Variants in SHISA9 observed in about 807,000 individuals in gnomAD.
SHISA9 encodes shisa family member 9.
A neutral mutation model predicts 38.0 loss-of-function variants in SHISA9; 13 were observed. The observed-to-expected ratio is 0.34, with a 90% CI of 0.22 to 0.54. The LOEUF (loss-of-function observed/expected upper bound fraction) is 0.54, where lower values mean the gene tolerates loss of function less well. Ranked by LOEUF, SHISA9 falls within the 20% of genes least tolerant of loss-of-function variation. The probability of loss-of-function intolerance (pLI) is 0.91; values close to 1 mark genes in which losing one functional copy is unlikely to be tolerated. For synonymous variants in SHISA9, 275 were observed against 242.0 expected (o/e 1.14, Z -1.27); for missense variants, 538 against 575.8 (o/e 0.93, Z 0.67).
downstream of SHISA9, among the ~76,000 whole-genome samples, chr16:13,243,103 G>A (rs2051446789): frequency 6.6e-6 from 1 of 152,038 alleles, no homozygotes; most frequent in Non-Finnish European, 1.5e-5. Context: ...GCCTGGTGTG[G>A]TGGCATGCTC....
At chr16:13,267,749 T>G in the SHISA9 span, among the ~76,000 whole-genome samples, 1 of 152,212 alleles carries the variant, frequency 6.6e-6, no homozygotes, top group Admixed American at 6.5e-5. Flanking sequence ...CCATCTTCTC[T>G]GTGTCCCAGG....
At chr16:13,204,559 A>T in intron 3 of SHISA9, among the ~76,000 whole-genome samples, 1 of 152,180 alleles carries the variant, frequency 6.6e-6, no homozygotes, top group East Asian at 1.9e-4. Context: ...TTCACCTACA[A>T]AGTCCATCCC....
At chr16:13,123,021 T>C (rs2050227083) in intron 2 of SHISA9, among the ~76,000 whole-genome samples, 1 of 152,132 alleles carries the variant, frequency 6.6e-6, no homozygotes, top group South Asian at 2.1e-4. Flanking sequence ...AACCCCAGCC[T>C]GGGCGACAGA....
At chr16:13,168,643 A>G (rs2050658955) in intron 2 of SHISA9, among the ~76,000 whole-genome samples, 1 of 152,252 alleles carries the variant, frequency 6.6e-6, no homozygotes. Flanking sequence ...GCCAGAAAGC[A>G]GTGAGAGCTT....
chr16:13,356,423 G>C, the SHISA9 span, among the ~76,000 whole-genome samples: 2 of 152,144 alleles, frequency 1.3e-5, no homozygotes, highest in African/African-American at 4.8e-5. Context: ...TAAAGAAAAA[G>C]GAGCATTAAC....
At chr16:13,066,678 G>T (rs1484617340) in intron 2 of SHISA9, among the ~76,000 whole-genome samples, 1 of 152,240 alleles carries the variant, frequency 6.6e-6, no homozygotes, top group Non-Finnish European at 1.5e-5. Flanking sequence ...AATTAAACGT[G>T]TAATGAATGT....
chr16:13,196,845 G>A (rs1473057925), intron 2 of SHISA9, among the ~76,000 whole-genome samples: 2 of 152,290 alleles, frequency 1.3e-5, no homozygotes, highest in East Asian at 3.9e-4. Context: ...TGTAATCCCA[G>A]CACTTTGGGA....
At chr16:12,932,797 A>T (rs1425241205) in intron 2 of SHISA9, among the ~76,000 whole-genome samples, 1 of 152,184 alleles carries the variant, frequency 6.6e-6, no homozygotes, top group African/African-American at 2.4e-5. Flanking sequence ...GTTGTCACTG[A>T]TGACATGTCG....
rs548262125 is a variant in SHISA9, at chr16:13,172,072, C to T, written c.692-31322C>T. On this transcript the variant is annotated intron_variant, in intron 2 of 4. Transcript: ENST00000558583. ...TCCTTCCCTTCCTTTCCCCCCTTTC[C>T]CTCCTTCCCTCCTCTCTTCTGCCTT... 1.2e-3 allele frequency among the ~76,000 whole-genome samples: 178 copies of T among 152,122 alleles called. 1 individual carries two copies. Among genetic ancestry groups the T allele is most frequent in the Non-Finnish European group, 1.8e-3 (122 of 67,978 alleles).
chr16:13,277,600 G>A, the SHISA9 span, among the ~76,000 whole-genome samples: 1 of 151,804 alleles, frequency 6.6e-6, no homozygotes, highest in Admixed American at 6.6e-5. Flanking sequence ...TCTTTCAGCA[G>A]TGTTTTGTAG....
the SHISA9 span, among the ~76,000 whole-genome samples, chr16:13,366,564 A>T: frequency 6.6e-6 from 1 of 152,094 alleles, no homozygotes; most frequent in East Asian, 1.9e-4. Flanking sequence ...GGTTTTAGTC[A>T]GGGTGCAGAG....
chr16:13,562,170 T>C, the SHISA9 span, among the ~76,000 whole-genome samples: 1 of 152,116 alleles, frequency 6.6e-6, no homozygotes, highest in African/African-American at 2.4e-5. Context: ...GCAGGGGAAA[T>C]TGTCTGATTA....
At chr16:12,917,145 C>T (rs1423540667) in intron 2 of SHISA9, among the ~76,000 whole-genome samples, 1 of 152,084 alleles carries the variant, frequency 6.6e-6, no homozygotes, top group African/African-American at 2.4e-5. Context: ...CTTAGTTAAC[C>T]AATGGATTAT....
At chr16:12,964,104 A>T (rs1264368001) in intron 2 of SHISA9, among the ~76,000 whole-genome samples, 3 of 152,332 alleles carry the variant, frequency 2.0e-5, no homozygotes, top group East Asian at 3.9e-4. Context: ...GCCAGGCCCT[A>T]GGTCTGTTCT....
At chr16:13,515,970 G>A in the SHISA9 span, among the ~76,000 whole-genome samples, 3 of 152,190 alleles carry the variant, frequency 2.0e-5, no homozygotes, top group Non-Finnish European at 4.4e-5. Context: ...CCATAGATTA[G>A]ATACACAACA....
At chr16:13,033,375 A>C (rs1192476958) in intron 2 of SHISA9, among the ~76,000 whole-genome samples, 1 of 152,198 alleles carries the variant, frequency 6.6e-6, no homozygotes, top group East Asian at 1.9e-4. Flanking sequence ...TTCCACTATA[A>C]GAACCAAAAC....
At chr16:13,494,019 A>G in the SHISA9 span, among the ~76,000 whole-genome samples, 1 of 152,144 alleles carries the variant, frequency 6.6e-6, no homozygotes, top group Non-Finnish European at 1.5e-5. Flanking sequence ...GATGCAACAA[A>G]AAGAGTAAAC....
the SHISA9 span, among the ~76,000 whole-genome samples, chr16:13,439,369 AACAC>A: frequency 6.6e-6 from 1 of 151,342 alleles, no homozygotes; most frequent in Non-Finnish European, 1.5e-5. Flanking sequence ...ATTCTCACCA[AACAC>A]ACACACACAC....
the SHISA9 span, among the ~76,000 whole-genome samples, chr16:13,417,702 G>C: frequency 6.6e-6 from 1 of 152,224 alleles, no homozygotes; most frequent in African/African-American, 2.4e-5. Flanking sequence ...TACCTCAGCA[G>C]ATATCGTCTG....
Sources: allele counts gnomAD v4.1 joint callset (sites outside exome capture counted in the v4.1 genomes callset), GRCh38; gene constraint gnomAD v4.1.1; transcripts MANE v1.5; gene names NCBI Gene and HGNC (gene_info 2026-07-23, HGNC 2026-07-21).